The following ACTG2 variants were observed in gnomAD, a reference collection of about 807,000 sequenced individuals.
ACTG2 encodes actin, gamma-enteric smooth muscle.
Under a neutral mutation model 37.6 loss-of-function variants are expected in ACTG2, and 16 were observed. The ratio of observed to expected loss-of-function variants is 0.43; its 90% CI spans 0.29 to 0.65. ACTG2 has a LOEUF of 0.65. ACTG2 is among the 30% of genes least tolerant of loss of function. The pLI, the probability that ACTG2 is intolerant of heterozygous loss-of-function variation, is 0.18. For missense variants in ACTG2, 238 were observed against 490.9 expected (o/e 0.48, Z 4.87); for synonymous variants, 181 against 179.9 (o/e 1.01, Z -0.05).
intron 3 of ACTG2, among the ~76,000 whole-genome samples, chr2:73,904,603 A>G (rs1679967998): frequency 6.6e-6 from 1 of 151,740 alleles, no homozygotes; most frequent in Non-Finnish European, 1.5e-5. Context: ...GGTTTCAGTG[A>G]GCCAAGATCG....
intron 5 of ACTG2, among the ~76,000 whole-genome samples, chr2:73,912,690 T>C (rs1230135542): frequency 6.6e-6 from 1 of 152,238 alleles, no homozygotes; most frequent in Non-Finnish European, 1.5e-5. Context: ...AATGGTTTCT[T>C]AATTGATTCT....
chr2:73,904,767 GTGTGTGTGTGTATATATATATATATATA>G (rs1312289578), intron 3 of ACTG2, among the ~76,000 whole-genome samples: 3 of 88,992 alleles, frequency 3.4e-5, no homozygotes, highest in African/African-American at 5.5e-5. Flanking sequence ...GTGTGTGTGT[GTGTGTGTGTGTATATATATATATATATA>G]TATATATATA....
chr2:73,911,787 C>T (rs1393060709), intron 5 of ACTG2, among the ~76,000 whole-genome samples: 1 of 152,202 alleles, frequency 6.6e-6, no homozygotes, highest in Non-Finnish European at 1.5e-5. Context: ...ATTATGTGGA[C>T]ATGACTATAT....
chr2:73,901,532 A>ATATGTG (rs1290866422), intron 2 of ACTG2, 95 bp downstream of exon 2: 4 of 1,144,926 alleles, frequency 3.5e-6, no homozygotes, highest in Non-Finnish European at 2.4e-6. Context: ...GGGGAAGGAA[A>ATATGTG]TGTGTGTGTG....
At chr2:73,894,625 C>T (rs771287796) in intron 1 of ACTG2, among the ~76,000 whole-genome samples, 8 of 151,612 alleles carry the variant, frequency 5.3e-5, no homozygotes, top group East Asian at 1.9e-4. Context: ...AATAAGTACA[C>T]GAAAGGGGTA....
At chr2:73,910,585 G>A (rs544500889) in intron 5 of ACTG2, among the ~76,000 whole-genome samples, 460 of 145,560 alleles carry the variant, frequency 3.2e-3, no homozygotes, top group Non-Finnish European at 5.7e-3. Flanking sequence ...TGCAACCTCC[G>A]CCTCCTAGGT....
intron 1 of ACTG2, among the ~76,000 whole-genome samples, chr2:73,898,812 T>A (rs1679810144): frequency 7.4e-6 from 1 of 134,254 alleles, no homozygotes. Flanking sequence ...CTTTTTTTTT[T>A]TTTTTTTTGA....
rs145614514 is a variant in ACTG2 at position 73,909,500 on chromosome 2, C to T, written c.451+361C>T. 2.0e-4 allele frequency among the ~76,000 whole-genome samples: 31 copies of T among 152,248 alleles called. 1 individual carries two copies. The East Asian group carries it at 5.6e-3, about 27-fold the overall frequency. Reference sequence around the variant, plus strand: ...ATTGCTTAATGACAGGGATACGTTCCGAGAAATGTGTGTCATTAGGTGACT... The same window carrying T: ...ATTGCTTAATGACAGGGATACGTTCTGAGAAATGTGTGTCATTAGGTGACT... On this transcript the variant is annotated intron_variant, in intron 5 of 8. Transcript: ENST00000345517.
At chr2:73,905,426 A>T (rs1679996899) in intron 3 of ACTG2, among the ~76,000 whole-genome samples, 1 of 152,190 alleles carries the variant, frequency 6.6e-6, no homozygotes, top group Admixed American at 6.5e-5. Context: ...TGAGGGATTA[A>T]TATGAACAGT....
At chr2:73,902,635 T>C in intron 3 of ACTG2, 147 bp downstream of exon 3, 1 of 1,552,370 alleles carries the variant, frequency 6.4e-7, no homozygotes, top group Non-Finnish European at 8.7e-7. Flanking sequence ...CCCACGACCA[T>C]TTCTCCAACC....
In ACTG2 at chr2:73,909,041, C is replaced by T. The variant is rs775852522; in HGVS notation, c.367-14C>T. 6.2e-7 allele frequency: 1 copy of T among 1,612,456 alleles called. No individual in the cohort carries two copies. The highest frequency in any genetic ancestry group is 1.7e-5 in the Admixed American group (1 of 60,008). ...TTTTGCCAAATAATCTTTTATTCTT[C>T]ATTGTCCTTTAAGATCATGTTTGAA... On this transcript the variant is annotated splice_polypyrimidine_tract_variant and intron_variant, in intron 4 of 8. Coordinates refer to ENST00000345517, the MANE Select transcript of ACTG2 (RefSeq NM_001615.4).
At position 73,903,032 on chromosome 2, in the gene ACTG2, G is replaced by A. The variant is rs77231573; in HGVS notation, c.255+544G>A. 9.7e-3 allele frequency: 3,016 copies of A among 312,492 alleles called. 70 individuals carry two copies. Among genetic ancestry groups the A allele is most frequent in the African/African-American group, 0.057 (2,693 of 46,906 alleles). The allele number at this position is 312,492 out of a possible 1,614,324, so 19.4% of individuals were successfully genotyped here. ...AGGTGGACTGATGCTAGACTATGAT[G>A]ATGAGTCTCCAGTGAAAGTTTCTAA... On this transcript the variant is annotated intron_variant, in intron 3 of 8. Transcript: ENST00000345517.
chr2:73,903,796 T>C (rs190532096), intron 3 of ACTG2, among the ~76,000 whole-genome samples: 1 of 151,678 alleles, frequency 6.6e-6, no homozygotes, highest in Admixed American at 6.6e-5. Context: ...AAAAATTAGC[T>C]GGACATGGTG....
At chr2:73,898,307 C>G (rs943543788) in intron 1 of ACTG2, among the ~76,000 whole-genome samples, 3 of 148,568 alleles carry the variant, frequency 2.0e-5, no homozygotes, top group Non-Finnish European at 4.5e-5. Context: ...TCTTTACCTT[C>G]TCTGAGATTT....
chr2:73,916,601 A>G lies in ACTG2; in HGVS notation c.823A>G (p.Ile275Val), dbSNP rs1269449660. ...PSFIGMESAG[I>V]HETTYNSIMK... ...TCCACTAGGCATGGAGTCCGCTGGA[A>G]TTCATGAGACAACCTACAATTCCAT... Residue 275 changes from isoleucine to valine, a missense_variant, in exon 8 of 9, where the codon ATT becomes GTT. By Grantham distance (29) the Ile-to-Val change is conservative (BLOSUM62 3). Coordinates refer to ENST00000345517, the MANE Select transcript of ACTG2 (RefSeq NM_001615.4). The G allele has an allele frequency of 1.9e-6, 3 of 1,613,830 alleles. No individual in the cohort carries two copies. The highest frequency in any genetic ancestry group is 1.7e-5 in the Admixed American group (1 of 59,972).
At chr2:73,909,900 C>T (rs1017974157) in intron 5 of ACTG2, among the ~76,000 whole-genome samples, 1 of 152,072 alleles carries the variant, frequency 6.6e-6, no homozygotes, top group Non-Finnish European at 1.5e-5. Context: ...CTGTACACAT[C>T]GGCTGTACTA....
intron 1 of ACTG2, among the ~76,000 whole-genome samples, chr2:73,899,653 C>T (rs1228475336): frequency 6.6e-6 from 1 of 152,082 alleles, no homozygotes; most frequent in Non-Finnish European, 1.5e-5. Context: ...GAGAAAGGGT[C>T]AAGAGTAGAG....
At chr2:73,919,356 G>A in intron 8 of ACTG2, 76 bp from the exon 9 acceptor site, 1 of 1,523,182 alleles carries the variant, frequency 6.6e-7, no homozygotes, top group Admixed American at 1.9e-5. Flanking sequence ...CCCTTTTCTG[G>A]GATAAGTAGA....
intron 5 of ACTG2, among the ~76,000 whole-genome samples, chr2:73,912,013 A>G (rs1426165589): frequency 1.3e-5 from 2 of 152,256 alleles, no homozygotes; most frequent in African/African-American, 4.8e-5. Context: ...ACTGACAAAT[A>G]AGACAGACTT....
Sources: allele counts gnomAD v4.1 joint callset (sites outside exome capture counted in the v4.1 genomes callset), GRCh38; gene constraint gnomAD v4.1.1; transcripts MANE v1.5; gene names NCBI Gene and HGNC (gene_info 2026-07-23, HGNC 2026-07-21).